The following CBFB variants were observed in gnomAD, a reference collection of about 807,000 sequenced individuals.
CBFB encodes CBF-beta.
CBFB carries 9 observed loss-of-function variants against 30.4 expected under a neutral mutation model. That is an observed-to-expected ratio of 0.30 (90% CI 0.18 to 0.52). The LOEUF is 0.52. Among genes scored for constraint, CBFB ranks in the 20% least tolerant of loss-of-function variants. The probability of loss-of-function intolerance (pLI) is 0.97; values close to 1 mark genes in which losing one functional copy is unlikely to be tolerated. For missense variants in CBFB, 170 were observed against 244.0 expected, an observed-to-expected ratio of 0.70 and a Z score of 2.02; for synonymous variants, 94 against 84.0, an observed-to-expected ratio of 1.12 and a Z score of -0.65.
intron 4 of CBFB, among the ~76,000 whole-genome samples, chr16:67,068,140 C>T (rs937508861): frequency 2.6e-5 from 4 of 152,122 alleles, no homozygotes; most frequent in African/African-American, 7.2e-5. Flanking sequence ...CATTGGCTGA[C>T]GGCTGAACTA....
At chr16:67,049,000 T>TA (rs1015005941) in intron 3 of CBFB, among the ~76,000 whole-genome samples, 1 of 151,484 alleles carries the variant, frequency 6.6e-6, no homozygotes, top group African/African-American at 2.4e-5. Flanking sequence ...TTTGTATTTT[T>TA]AGTAGAGACA....
chr16:67,085,768 C>T (rs1362786084), intron 5 of CBFB, among the ~76,000 whole-genome samples: 4 of 151,142 alleles, frequency 2.6e-5, no homozygotes, highest in Non-Finnish European at 5.9e-5. Context: ...AGCTCCGCCT[C>T]CCTGGTTCAA....
At chr16:67,092,918 G>C (rs919068433) in intron 5 of CBFB, among the ~76,000 whole-genome samples, 8 of 151,718 alleles carry the variant, frequency 5.3e-5, no homozygotes, top group Non-Finnish European at 1.0e-4. Flanking sequence ...TCACCGTGTT[G>C]GCCAGGCTGA....
At position 67,068,207 on chromosome 16, in the gene CBFB, A is replaced by G. The variant is rs545337018; in HGVS notation, c.399+1409A>G. Among the ~76,000 whole-genome samples the G allele has an allele frequency of 3.9e-5, 6 of 152,320 alleles. No individual in the cohort carries two copies. In the South Asian group the frequency reaches 1.2e-3, roughly 32 times the overall value. ...AGACTTAAAAAAGACAGCTGTGCGC[A>G]GTGGCTCATGCTTATAATCCCAGCA... On this transcript the variant is annotated intron_variant, in intron 4 of 5. Transcript: ENST00000412916.
In CBFB at chr16:67,100,888, A is replaced by G. The variant is rs916136479; in HGVS notation, c.*2110A>G. The G allele has an allele frequency of 5.0e-6, 1 of 198,836 alleles. No homozygotes were observed. The highest frequency in any genetic ancestry group is 6.0e-5 in the Admixed American group (1 of 16,596). The allele number at this position is 198,836 out of a possible 1,614,324, so 12.3% of individuals were successfully genotyped here. A position where few individuals can be genotyped will look rare whatever the true frequency, so the allele number is the denominator to read the frequency against. On this transcript the variant is annotated 3_prime_UTR_variant, in exon 6 of 6. Transcript: ENST00000412916. ...TCTATTAAGTTATTGATGCAATTTGATATTTTTTCATAATCTATATTTAAA... is the reference window on the plus strand; with the variant it reads ...TCTATTAAGTTATTGATGCAATTTGGTATTTTTTCATAATCTATATTTAAA...
At chr16:67,098,560 G>GTT in intron 5 of CBFB, 150 bp from the exon 6 acceptor site, 1 of 551,310 alleles carries the variant, frequency 1.8e-6, no homozygotes. Flanking sequence ...ATTTTAATTG[G>GTT]TTTTTTTTTG....
chr16:67,043,811 C>G (rs571882913), intron 3 of CBFB, among the ~76,000 whole-genome samples: 1 of 152,228 alleles, frequency 6.6e-6, no homozygotes, highest in South Asian at 2.1e-4. Flanking sequence ...GAGATTATAG[C>G]TAACTGATTG....
intron 4 of CBFB, among the ~76,000 whole-genome samples, chr16:67,067,212 T>TAA (rs773186476): frequency 8.5e-5 from 11 of 130,058 alleles, no homozygotes; most frequent in African/African-American, 2.5e-4. Flanking sequence ...AAAAATTGTT[T>TAA]AAAAAAAAAA....
rs1966472500 is a variant in CBFB at position 67,038,172 on chromosome 16, TACTA to T, written c.282+1419_282+1422del. Among the ~76,000 whole-genome samples, 3 of 152,074 alleles carry T rather than the reference TACTA, an allele frequency of 2.0e-5. 1 individual carries two copies. In the South Asian group the frequency reaches 6.2e-4, roughly 31 times the overall value. Reference sequence around the variant, plus strand: ...GTTTTTGTACCCGTTTCTATCAACTTACTAAATTAATTTTCTAAGTGTCATCATG... The same window carrying T: ...GTTTTTGTACCCGTTTCTATCAACTTAATTAATTTTCTAAGTGTCATCATG... On this transcript the variant is annotated intron_variant, in intron 3 of 5. Coordinates refer to ENST00000412916, the MANE Select transcript of CBFB (RefSeq NM_022845.3).
intron 5 of CBFB, among the ~76,000 whole-genome samples, chr16:67,089,294 G>C (rs1299149275): frequency 6.6e-6 from 1 of 152,050 alleles, no homozygotes; most frequent in Non-Finnish European, 1.5e-5. Flanking sequence ...TACTCTGTGG[G>C]TAATTTTTGT....
intron 2 of CBFB, 34 bp downstream of exon 2, chr16:67,029,847 C>T (rs747206129): frequency 5.4e-5 from 83 of 1,524,620 alleles, no homozygotes; most frequent in Non-Finnish European, 6.8e-5. Flanking sequence ...GCGCGGGTCA[C>T]TTGTTGCGCG....
intron 3 of CBFB, among the ~76,000 whole-genome samples, chr16:67,060,487 T>C (rs1960878526): frequency 1.3e-5 from 2 of 152,188 alleles, no homozygotes; most frequent in African/African-American, 4.8e-5. Context: ...CAACTACTTA[T>C]CTCCTTCGTG....
intron 3 of CBFB, among the ~76,000 whole-genome samples, chr16:67,058,977 T>C (rs545258369): frequency 6.6e-6 from 1 of 152,340 alleles, no homozygotes; most frequent in African/African-American, 2.4e-5. Context: ...GGGGGTCTTG[T>C]TTGCAAATCT....
At chr16:67,047,541 T>A (rs140394438) in intron 3 of CBFB, among the ~76,000 whole-genome samples, 1 of 152,328 alleles carries the variant, frequency 6.6e-6, no homozygotes, top group Non-Finnish European at 1.5e-5. Context: ...ATTAGAAGAA[T>A]GTAGATGTTT....
intron 3 of CBFB, among the ~76,000 whole-genome samples, chr16:67,042,297 A>G (rs1395420128): frequency 6.6e-6 from 1 of 152,166 alleles, no homozygotes; most frequent in Admixed American, 6.5e-5. Flanking sequence ...CTAGGACGAC[A>G]GATATTTGCC....
chr16:67,029,687 G>A (rs1406155372), intron 1 of CBFB, 40 bp from the exon 2 acceptor site: 3 of 1,530,198 alleles, frequency 2.0e-6, no homozygotes, highest in South Asian at 2.3e-5. Context: ...GGGCGGCGCC[G>A]CGGATTTGGC....
At chr16:67,048,560 T>C (rs1966671677) in intron 3 of CBFB, among the ~76,000 whole-genome samples, 1 of 152,140 alleles carries the variant, frequency 6.6e-6, no homozygotes, top group Non-Finnish European at 1.5e-5. Context: ...GTTTTTTGTT[T>C]GTTTGTTTGA....
rs1053947205 is a variant in CBFB at position 67,098,798 on chromosome 16, G to A, written c.*20G>A. The A allele has an allele frequency of 1.3e-5, 18 of 1,426,804 alleles. No individual in the cohort carries two copies. The Admixed American group carries it at 1.9e-4, about 15-fold the overall frequency. 88.4% of individuals were successfully genotyped at this position (1,426,804 alleles called of 1,614,324 possible). A position where few individuals can be genotyped will look rare whatever the true frequency, so the allele number is the denominator to read the frequency against. On this transcript the variant is annotated 3_prime_UTR_variant, in exon 6 of 6. Coordinates refer to ENST00000412916, the MANE Select transcript of CBFB (RefSeq NM_022845.3). ...CGTTAATTAATAGCACAGCAGATGT[G>A]TGCTGCCCATCTTTACATACACATT...
chr16:67,079,030 T>G (rs921407993), intron 4 of CBFB, among the ~76,000 whole-genome samples: 3 of 152,186 alleles, frequency 2.0e-5, no homozygotes, highest in Admixed American at 2.0e-4. Context: ...CGTGGGAAAT[T>G]GGGAACAGCA....
Sources: gnomAD v4.1 joint callset for allele counts (sites outside exome capture counted in the v4.1 genomes callset) on GRCh38, gnomAD v4.1.1 for gene constraint, MANE v1.5 for transcripts, NCBI Gene and HGNC (gene_info 2026-07-23, HGNC 2026-07-21) for gene names.